Variants in FHIT observed in about 807,000 individuals in gnomAD.
FHIT encodes fragile histidine triad diadenosine triphosphatase.
In FHIT, 19 loss-of-function variants were observed where a neutral mutation model predicts 17.9. That is an observed-to-expected ratio of 1.06 (90% CI 0.74 to 1.56). The LOEUF (loss-of-function observed/expected upper bound fraction) is 1.56. Among genes scored for constraint, FHIT ranks in the 40% most tolerant of loss-of-function variants. The pLI, the probability that FHIT is intolerant of heterozygous loss-of-function variation, is 0.00. For synonymous variants in FHIT, 81 were observed against 69.7 expected (o/e 1.16, Z -0.81); for missense variants, 248 against 189.2 (o/e 1.31, Z -1.82).
chr3:60,506,840 C>T (rs909802918), intron 5 of FHIT, among the ~76,000 whole-genome samples: 6 of 152,160 alleles, frequency 3.9e-5, no homozygotes, highest in African/African-American at 7.2e-5. Flanking sequence ...GATTTGTGAA[C>T]AAGAATGAAT....
At chr3:59,933,814 C>T (rs1706090361) in intron 7 of FHIT, among the ~76,000 whole-genome samples, 2 of 152,098 alleles carry the variant, frequency 1.3e-5, no homozygotes, top group South Asian at 4.1e-4. Context: ...TTTATTTCTG[C>T]TCATTCTAAC....
intron 3 of FHIT, among the ~76,000 whole-genome samples, chr3:60,902,298 G>T (rs1242535891): frequency 2.0e-5 from 3 of 152,148 alleles, no homozygotes; most frequent in Non-Finnish European, 4.4e-5. Context: ...AAGCATTTGA[G>T]ATTCATCCAT....
At chr3:60,797,470 TA>T (rs2108135254) in intron 4 of FHIT, among the ~76,000 whole-genome samples, 1 of 129,068 alleles carries the variant, frequency 7.7e-6, no homozygotes, top group East Asian at 2.1e-4. Flanking sequence ...GTAGTAGTAG[TA>T]GTAGTAGTAG....
rs1272482224 is a variant in FHIT, at chr3:61,206,055, C to T, written c.-212-5390G>A. Among the ~76,000 whole-genome samples, 9 of 126,684 alleles carry T rather than the reference C, an allele frequency of 7.1e-5. 2 individuals are homozygous for T. Among genetic ancestry groups the T allele is most frequent in the African/African-American group, 2.7e-4 (9 of 33,768 alleles). The allele number at this position is 126,684 out of a possible 152,430, so 83.1% of individuals were successfully genotyped here. A position where few individuals can be genotyped will look rare whatever the true frequency, so the allele number is the denominator to read the frequency against. On this transcript the variant is annotated intron_variant, in intron 1 of 9. Transcript: ENST00000492590. ...TACATATGGCTGCCAGTTTTCCCAG[C>T]ACCATTTATTAAATAGGGAATCCTT... is the stretch of plus-strand genomic sequence containing the variant.
At chr3:60,130,058 C>T (rs1424445729) in intron 5 of FHIT, among the ~76,000 whole-genome samples, 2 of 152,098 alleles carry the variant, frequency 1.3e-5, no homozygotes, top group African/African-American at 2.4e-5. Flanking sequence ...TGGTGATATG[C>T]CATTCCTCTT....
At chr3:60,853,799 C>T (rs782117736) in intron 3 of FHIT, among the ~76,000 whole-genome samples, 1 of 152,026 alleles carries the variant, frequency 6.6e-6, no homozygotes, top group Non-Finnish European at 1.5e-5. Context: ...AGTGTAATCA[C>T]CAACAATAAA....
chr3:60,256,704 A>G (rs12487617), intron 5 of FHIT, among the ~76,000 whole-genome samples: 48,651 of 151,992 alleles, frequency 0.32, 8,826 homozygotes, highest in East Asian at 0.86. Context: ...AGTACCTTGC[A>G]TCCACACCTC....
chr3:61,122,244 A>G (rs1049266927), intron 2 of FHIT, among the ~76,000 whole-genome samples: 13 of 152,352 alleles, frequency 8.5e-5, no homozygotes, highest in Admixed American at 3.3e-4. Context: ...GACAAAAACA[A>G]GCAATGGGGA....
chr3:60,050,595 T>C (rs1202475342), intron 5 of FHIT, among the ~76,000 whole-genome samples: 1 of 138,938 alleles, frequency 7.2e-6, no homozygotes, highest in African/African-American at 2.9e-5. Flanking sequence ...GCAAGCCCTT[T>C]CATGTATCCT....
intron 3 of FHIT, among the ~76,000 whole-genome samples, chr3:60,951,164 A>G (rs1553777168): frequency 1.3e-5 from 2 of 152,130 alleles, no homozygotes; most frequent in Non-Finnish European, 1.5e-5. Flanking sequence ...CTGTTTTATC[A>G]TAAGAAAAAA....
At chr3:60,821,014 C>T (rs977627673) in intron 4 of FHIT, among the ~76,000 whole-genome samples, 5 of 151,678 alleles carry the variant, frequency 3.3e-5, no homozygotes, top group East Asian at 2.0e-4. Context: ...CTCACTCTGT[C>T]GCCTAGGCTG....
At chr3:60,250,934 T>C (rs1452970965) in intron 5 of FHIT, among the ~76,000 whole-genome samples, 5 of 152,128 alleles carry the variant, frequency 3.3e-5, no homozygotes, top group African/African-American at 7.2e-5. Flanking sequence ...CAAAAACTCA[T>C]TGTCTGAGTG....
intron 7 of FHIT, among the ~76,000 whole-genome samples, chr3:59,934,264 G>A (rs1706120332): frequency 6.6e-6 from 1 of 152,080 alleles, no homozygotes; most frequent in Non-Finnish European, 1.5e-5. Flanking sequence ...TAAGGCCGAG[G>A]AACGTGGAAT....
intron 4 of FHIT, among the ~76,000 whole-genome samples, chr3:60,590,850 G>T (rs1269331845): frequency 6.6e-6 from 1 of 152,076 alleles, no homozygotes; most frequent in Non-Finnish European, 1.5e-5. Flanking sequence ...ACAGGCTATG[G>T]CAGGATTACA....
intron 5 of FHIT, among the ~76,000 whole-genome samples, chr3:60,069,275 G>C (rs892154439): frequency 6.6e-6 from 1 of 152,034 alleles, no homozygotes; most frequent in Non-Finnish European, 1.5e-5. Context: ...TTTAAATAAT[G>C]AAAAGTGTTT....
chr3:61,178,130 A>G (rs1246877521), intron 2 of FHIT, among the ~76,000 whole-genome samples: 1 of 152,194 alleles, frequency 6.6e-6, no homozygotes, highest in Non-Finnish European at 1.5e-5. Context: ...CTATGTGTTA[A>G]GAGGGGTAAT....
intron 8 of FHIT, among the ~76,000 whole-genome samples, chr3:59,792,355 A>C (rs1007575234): frequency 6.6e-6 from 1 of 152,242 alleles, no homozygotes; most frequent in Non-Finnish European, 1.5e-5. Context: ...CCTGTCTGGC[A>C]AAACAATTGA....
intron 5 of FHIT, among the ~76,000 whole-genome samples, chr3:60,303,027 G>C (rs79141958): frequency 2.0e-5 from 3 of 152,090 alleles, no homozygotes; most frequent in Non-Finnish European, 4.4e-5. Flanking sequence ...TTTGTTGCAT[G>C]GGAATAAAGC....
chr3:60,766,156 T>G (rs1182150961), intron 4 of FHIT, among the ~76,000 whole-genome samples: 1 of 152,210 alleles, frequency 6.6e-6, no homozygotes, highest in Non-Finnish European at 1.5e-5. Context: ...TATATCCTAC[T>G]TGTTCTGTCC....
Sources: gnomAD v4.1 joint callset for allele counts (sites outside exome capture counted in the v4.1 genomes callset) on GRCh38, gnomAD v4.1.1 for gene constraint, MANE v1.5 for transcripts, NCBI Gene and HGNC (gene_info 2026-07-23, HGNC 2026-07-21) for gene names.